The following GRK3 variants were observed in gnomAD, a reference collection of about 807,000 sequenced individuals.
GRK3 encodes the protein adrenergic, beta, receptor kinase 2.
A neutral mutation model predicts 95.7 loss-of-function variants in GRK3; 54 were observed. The observed-to-expected ratio is 0.56, with a 90% CI of 0.45 to 0.71. GRK3 has a LOEUF of 0.71. GRK3 is among the 30% of genes least tolerant of loss of function. The pLI, the probability that GRK3 is intolerant of heterozygous loss-of-function variation, is 0.00. For missense variants in GRK3, 649 were observed against 851.2 expected (o/e 0.76, Z 2.96); for synonymous variants, 281 against 290.8 (o/e 0.97, Z 0.34).
intron 19 of GRK3, among the ~76,000 whole-genome samples, chr22:25,721,059 C>T (rs1307063914): frequency 6.6e-6 from 1 of 152,164 alleles, no homozygotes; most frequent in African/African-American, 2.4e-5. Context: ...GCCGTTTTTC[C>T]CTAGCAAAAC....
At chr22:25,653,911 A>G (rs2084852116) in intron 3 of GRK3, among the ~76,000 whole-genome samples, 1 of 151,852 alleles carries the variant, frequency 6.6e-6, no homozygotes. Context: ...CTGGTCTCGA[A>G]CTCCTGACCT....
chr22:25,572,464 TC>T (rs1931737093), intron 1 of GRK3, among the ~76,000 whole-genome samples: 1 of 152,194 alleles, frequency 6.6e-6, no homozygotes. Flanking sequence ...TAGTTTACAG[TC>T]CCACCAACAG....
At chr22:25,595,326 T>C (rs1209043748) in intron 1 of GRK3, among the ~76,000 whole-genome samples, 2 of 152,152 alleles carry the variant, frequency 1.3e-5, no homozygotes, top group African/African-American at 4.8e-5. Context: ...ACAAAATCAA[T>C]GTACAGAAAT....
intron 1 of GRK3, among the ~76,000 whole-genome samples, chr22:25,570,063 G>A (rs1321245160): frequency 1.3e-5 from 2 of 152,226 alleles, no homozygotes; most frequent in Non-Finnish European, 1.5e-5. Flanking sequence ...TGCAAGGAAT[G>A]GATGAAACTG....
intron 8 of GRK3, among the ~76,000 whole-genome samples, chr22:25,677,536 C>T (rs977797477): frequency 6.6e-6 from 1 of 152,052 alleles, no homozygotes; most frequent in Admixed American, 6.6e-5. Context: ...GTGTTTCTAA[C>T]ATTTGATCCC....
intron 1 of GRK3, among the ~76,000 whole-genome samples, chr22:25,577,384 A>G (rs1931942088): frequency 6.6e-6 from 1 of 152,166 alleles, no homozygotes; most frequent in Non-Finnish European, 1.5e-5. Flanking sequence ...CACATTGCCC[A>G]GGCTGGTCTC....
chr22:25,569,662 AG>A (rs1189174916), intron 1 of GRK3, among the ~76,000 whole-genome samples: 43 of 152,240 alleles, frequency 2.8e-4, no homozygotes, highest in African/African-American at 9.6e-4. Context: ...CCAGCAAAGC[AG>A]TGAAATGCAA....
chr22:25,636,791 T>C (rs1423344393), intron 2 of GRK3, among the ~76,000 whole-genome samples: 1 of 152,234 alleles, frequency 6.6e-6, no homozygotes, highest in African/African-American at 2.4e-5. Flanking sequence ...AGAATGTATA[T>C]ATATAGAATT....
At chr22:25,613,199 G>A (rs2146349111) in intron 2 of GRK3, among the ~76,000 whole-genome samples, 1 of 151,476 alleles carries the variant, frequency 6.6e-6, no homozygotes, top group East Asian at 1.9e-4. Context: ...CTGTTATCCT[G>A]GGAACCAACT....
chr22:25,585,403 A>G (rs4049388), intron 1 of GRK3, among the ~76,000 whole-genome samples: 3 of 151,980 alleles, frequency 2.0e-5, no homozygotes, highest in African/African-American at 4.8e-5. Flanking sequence ...AATGGTTACC[A>G]TGCTATCCAT....
In GRK3 at chr22:25,564,716, G is replaced by C. The variant is rs1359570082; in HGVS notation, c.-325G>C. 6.6e-6 allele frequency: 1 copy of C among 151,704 alleles called. No homozygotes were observed. Among genetic ancestry groups the C allele is most frequent in the Non-Finnish European group, 1.5e-5 (1 of 67,910 alleles). 9.4% of individuals were successfully genotyped at this position (151,704 alleles called of 1,614,324 possible). A position where few individuals can be genotyped will look rare whatever the true frequency, so the allele number is the denominator to read the frequency against. On this transcript the variant is annotated 5_prime_UTR_variant, in exon 1 of 21. Coordinates refer to ENST00000324198, the MANE Select transcript of GRK3 (RefSeq NM_005160.4). ...CCGGCCCAGCGAGGCCGCTGGGACT[G>C]TGCACTGAGGGGCGCTGACCGTTGG...
intron 1 of GRK3, among the ~76,000 whole-genome samples, chr22:25,589,282 C>G (rs537791794): frequency 2.6e-5 from 4 of 152,340 alleles, no homozygotes; most frequent in African/African-American, 9.6e-5. Flanking sequence ...GTGTCCTAAA[C>G]ATTGTAGTTT....
intron 1 of GRK3, among the ~76,000 whole-genome samples, chr22:25,588,774 A>ATTT: frequency 7.1e-6 from 1 of 139,888 alleles, no homozygotes. Context: ...TAGTTCATTA[A>ATTT]TTTTTTTTTT....
intron 2 of GRK3, among the ~76,000 whole-genome samples, chr22:25,628,731 G>A (rs778942668): frequency 1.1e-4 from 16 of 152,178 alleles, no homozygotes; most frequent in Non-Finnish European, 2.1e-4. Context: ...TTCTCATTTG[G>A]TAACAGTGCT....
intron 5 of GRK3, among the ~76,000 whole-genome samples, chr22:25,663,966 T>C (rs2084925778): frequency 6.6e-6 from 1 of 152,188 alleles, no homozygotes; most frequent in Non-Finnish European, 1.5e-5. Flanking sequence ...TAGAAATCAG[T>C]CAAGATAAGA....
intron 2 of GRK3, among the ~76,000 whole-genome samples, chr22:25,615,299 AGCACCTCT>A (rs1327457575): frequency 3.3e-5 from 5 of 152,160 alleles, no homozygotes; most frequent in Non-Finnish European, 1.5e-5. Context: ...CCTATGAAAC[AGCACCTCT>A]GCTGGAAAAG....
At chr22:25,684,849 A>G (rs543234675) in intron 9 of GRK3, among the ~76,000 whole-genome samples, 3 of 152,314 alleles carry the variant, frequency 2.0e-5, no homozygotes, top group South Asian at 4.1e-4. Flanking sequence ...TTGGTGCTCA[A>G]TGCATGGGGT....
intron 2 of GRK3, among the ~76,000 whole-genome samples, chr22:25,635,502 C>G (rs1327945464): frequency 6.6e-6 from 1 of 152,150 alleles, no homozygotes; most frequent in Non-Finnish European, 1.5e-5. Context: ...TTTCCTGGTT[C>G]AGGATTGAGT....
intron 11 of GRK3, among the ~76,000 whole-genome samples, chr22:25,688,944 T>C (rs1373896411): frequency 6.6e-6 from 1 of 152,260 alleles, no homozygotes; most frequent in East Asian, 1.9e-4. Flanking sequence ...TCAGATGCCT[T>C]CTTGAATGAA....
Sources: gnomAD v4.1 joint callset for allele counts (sites outside exome capture counted in the v4.1 genomes callset) on GRCh38, gnomAD v4.1.1 for gene constraint, MANE v1.5 for transcripts, NCBI Gene and HGNC (gene_info 2026-07-23, HGNC 2026-07-21) for gene names.